Variants in TG observed in about 807,000 individuals in gnomAD.
The protein encoded by TG is thyroglobulin, also known as thyroid hormones.
A neutral mutation model predicts 324.7 loss-of-function variants in TG; 270 were observed. The observed-to-expected ratio is 0.83, with a 90% CI of 0.75 to 0.92. The LOEUF is 0.92. Among genes scored for constraint, TG ranks in the 40% least tolerant of loss-of-function variants. The pLI, the probability that TG is intolerant of heterozygous loss-of-function variation, is 0.00. For missense variants in TG, 3,591 were observed against 3,456.4 expected (o/e 1.04, Z -0.98); for synonymous variants, 1,401 against 1,327.0 (o/e 1.06, Z -1.21).
Position 133,119,501 on chromosome 8 carries a change from C to T in TG, c.7862+2785C>T, listed in dbSNP as rs1020179188. Among the ~76,000 whole-genome samples, 7 of 152,276 alleles carry T rather than the reference C, an allele frequency of 4.6e-5. No individual in the cohort carries two copies. In the East Asian group the frequency reaches 7.7e-4, roughly 17 times the overall value. On this transcript the variant is annotated intron_variant, in intron 45 of 47. Transcript: ENST00000220616. The stretch of plus-strand genomic sequence containing the variant: ...AAGATTTGGTGTCTAGTAGGGAGCT[C>T]GCTGACTGCTTCACAGGTGGCACCT...
At chr8:133,119,626 T>C (rs1349346303) in intron 45 of TG, among the ~76,000 whole-genome samples, 1 of 152,110 alleles carries the variant, frequency 6.6e-6, no homozygotes, top group Non-Finnish European at 1.5e-5. Context: ...CCTCATGACC[T>C]AGTTACTCCC....
chr8:133,002,288 A>AT (rs1833592826), intron 35 of TG: 6 of 985,390 alleles, frequency 6.1e-6, no homozygotes, highest in Non-Finnish European at 7.2e-6. Flanking sequence ...GTGATGTGTA[A>AT]TTTTTTGGGC....
chr8:132,928,122 C>T (rs1025627774), intron 22 of TG, among the ~76,000 whole-genome samples: 3 of 152,172 alleles, frequency 2.0e-5, no homozygotes, highest in African/African-American at 7.2e-5. Context: ...AAGGAATAAA[C>T]ATTTTTTTTC....
At chr8:132,962,191 T>A (rs1204663372) in intron 28 of TG, among the ~76,000 whole-genome samples, 2 of 152,102 alleles carry the variant, frequency 1.3e-5, no homozygotes, top group East Asian at 3.9e-4. Flanking sequence ...AAGGAAGGTG[T>A]TTACCATCAT....
rs192136111 is a variant in TG, at chr8:133,033,850, G to A, written c.7239+3827G>A. ...TTAGTAACTGTGCCTTATTTTACAT[G>A]CTTATTATTTTTCTAACATCTCTCA... On this transcript the variant is annotated intron_variant, in intron 41 of 47. Coordinates refer to ENST00000220616, the MANE Select transcript of TG (RefSeq NM_003235.5). Among the ~76,000 whole-genome samples, 112 of 152,298 alleles carry A rather than the reference G, an allele frequency of 7.4e-4. 1 individual carries two copies. Among genetic ancestry groups the A allele is most frequent in the Non-Finnish European group, 1.4e-3 (95 of 68,022 alleles).
chr8:133,042,697 T>C (rs1285382932), intron 41 of TG, among the ~76,000 whole-genome samples: 4 of 130,134 alleles, frequency 3.1e-5, no homozygotes, highest in Non-Finnish European at 6.3e-5. Flanking sequence ...TTTTTTTTTT[T>C]TTTTTTTTTT....
At chr8:133,018,580 A>G (rs1219049970) in intron 38 of TG, among the ~76,000 whole-genome samples, 1 of 151,690 alleles carries the variant, frequency 6.6e-6, no homozygotes, top group East Asian at 1.9e-4. Flanking sequence ...CTCATCAAAA[A>G]TTTCATTTTT....
chr8:132,963,653 A>G (rs1317788691), intron 29 of TG, among the ~76,000 whole-genome samples: 26 of 151,686 alleles, frequency 1.7e-4, no homozygotes, highest in Non-Finnish European at 5.9e-5. Context: ...GAGACAAGAC[A>G]TCTGCATGTG....
chr8:132,900,173 G>A, intron 14 of TG, 64 bp from the exon 15 acceptor site: 1 of 1,404,882 alleles, frequency 7.1e-7, no homozygotes, highest in Non-Finnish European at 1.0e-6. Flanking sequence ...ACATCTGCCA[G>A]CAGCAGGTTG....
intron 20 of TG, among the ~76,000 whole-genome samples, chr8:132,914,063 CT>C (rs1819936296): frequency 6.6e-6 from 1 of 152,172 alleles, no homozygotes; most frequent in African/African-American, 2.4e-5. Flanking sequence ...TCCTCTGACT[CT>C]CTTTTACCTC....
rs1191755464 is a variant in TG, at chr8:132,886,895, G to T, written c.1523G>T (p.Ser508Ile). 1 of 1,614,170 alleles carries T rather than the reference G, an allele frequency of 6.2e-7. No individual in the cohort carries two copies. The highest frequency in any genetic ancestry group is 8.5e-7 in the Non-Finnish European group (1 of 1,180,036). ...SQFFQQLGLA[S>I]FLNGGRQEDL... ...TTTTTCCAGCAACTTGGTCTTGCAA[G>T]CTTCTTGAATGGAGGGAGACAAGAA... is the stretch of plus-strand genomic sequence containing the variant. The change falls in exon 9 of 48, where the codon AGC becomes ATC. Residue 508 changes from serine to isoleucine, a missense_variant. Coordinates refer to ENST00000220616, the MANE Select transcript of TG (RefSeq NM_003235.5).
At position 133,077,629 on chromosome 8, in the gene TG, C is replaced by T. The variant is rs577856548; in HGVS notation, c.7240-17415C>T. On this transcript the variant is annotated intron_variant, in intron 41 of 47. Coordinates refer to ENST00000220616, the MANE Select transcript of TG (RefSeq NM_003235.5). The stretch of plus-strand genomic sequence containing the variant: ...ACGGCAGGGCTGAAGCCCGATGCCA[C>T]GCTAGACAGGTGACTCAAATCTTAG... Among the ~76,000 whole-genome samples, 39 of 152,314 alleles carry T rather than the reference C, an allele frequency of 2.6e-4. 1 individual carries two copies. Among genetic ancestry groups the T allele is most frequent in the South Asian group, 1.0e-3 (5 of 4,834 alleles).
chr8:133,057,387 A>T (rs994884586), intron 41 of TG, among the ~76,000 whole-genome samples: 36 of 152,254 alleles, frequency 2.4e-4, no homozygotes, highest in African/African-American at 8.7e-4. Context: ...ACACTTTGGG[A>T]TGATTTGAAA....
At chr8:132,893,580 GGTGT>G (rs1030904565) in intron 10 of TG, 106 bp from the exon 11 acceptor site, 1 of 1,406,756 alleles carries the variant, frequency 7.1e-7, no homozygotes, top group Non-Finnish European at 9.9e-7. Flanking sequence ...GTGTGTGTGT[GGTGT>G]GTGTGTGGTG....
chr8:133,040,444 T>G, intron 41 of TG: 1 of 316,668 alleles, frequency 3.2e-6, no homozygotes, highest in Non-Finnish European at 6.0e-6. Context: ...CAAGAACGTC[T>G]CTGAGCTTTC....
intron 10 of TG, 37 bp downstream of exon 10, chr8:132,888,605 G>T: frequency 6.5e-7 from 1 of 1,530,624 alleles, no homozygotes; most frequent in Non-Finnish European, 8.8e-7. Flanking sequence ...ATGTGTGTGT[G>T]TGTGTGTGTG....
Position 133,133,675 on chromosome 8 carries a change from G to C in TG, c.8188+15G>C, listed in dbSNP as rs1852120544. 1.2e-6 allele frequency: 2 copies of C among 1,611,056 alleles called. No homozygotes were observed. The highest frequency in any genetic ancestry group is 3.4e-5 in the Admixed American group (2 of 59,454). On this transcript the variant is annotated intron_variant, in intron 47 of 47. Coordinates refer to ENST00000220616, the MANE Select transcript of TG (RefSeq NM_003235.5). ...GACATCTGCAGGTAGCAAAGCCCTG[G>C]GACAAGTGGAGGGAGCTGGGTGTTG...
intron 32 of TG, 129 bp from the exon 33 acceptor site, chr8:132,971,665 C>G: frequency 1.4e-6 from 1 of 720,762 alleles, no homozygotes; most frequent in South Asian, 1.5e-5. Flanking sequence ...CCAAAGCACC[C>G]CCAGTTTAAG....
In TG at chr8:132,886,479, G is replaced by A. The variant is rs1563908340; in HGVS notation, c.1107G>A (p.Gln369=). Residue 369 remains glutamine (Q), a synonymous_variant, in exon 9 of 48, where the codon CAG becomes CAA. Coordinates refer to ENST00000220616, the MANE Select transcript of TG (RefSeq NM_003235.5). ...AEGQSCASER[Q]QALSRLYFGT... The stretch of plus-strand genomic sequence containing the variant: ...GCCAATCTTGTGCCTCCGAAAGGCA[G>A]CAGGCCTTGTCCAGACTCTACTTTG... 2 of 1,614,212 alleles carry A rather than the reference G, an allele frequency of 1.2e-6. No homozygotes were observed. The highest frequency in any genetic ancestry group is 1.3e-5 in the African/African-American group (1 of 75,058).
Sources: allele counts gnomAD v4.1 joint callset (sites outside exome capture counted in the v4.1 genomes callset), GRCh38; gene constraint gnomAD v4.1.1; transcripts MANE v1.5; gene names NCBI Gene and HGNC (gene_info 2026-07-23, HGNC 2026-07-21).